HDAC4: variants seen among roughly 807,000 people sequenced by gnomAD.
HDAC4 encodes the protein histone deacetylase A.
Under a neutral mutation model 135.1 loss-of-function variants are expected in HDAC4, and 16 were observed. That is an observed-to-expected ratio of 0.12 (90% CI 0.08 to 0.18). HDAC4 has a LOEUF of 0.18. HDAC4 is among the 10% of genes least tolerant of loss of function. The pLI is 1.00. For missense variants in HDAC4, 1,143 were observed against 1,511.8 expected (o/e 0.76, Z 4.05); for synonymous variants, 685 against 653.4 (o/e 1.05, Z -0.74).
chr2:239,301,794 A>G (rs1038287954), intron 2 of HDAC4, among the ~76,000 whole-genome samples: 8 of 152,098 alleles, frequency 5.3e-5, no homozygotes, highest in Admixed American at 5.2e-4. Context: ...TTCTTTCTTT[A>G]TGAAAAAAAG....
intron 2 of HDAC4, among the ~76,000 whole-genome samples, chr2:239,248,045 C>T (rs148785584): frequency 2.8e-4 from 43 of 152,312 alleles, no homozygotes; most frequent in Admixed American, 2.0e-3. Flanking sequence ...CCATAACACT[C>T]GGTGATGTTC....
intron 11 of HDAC4, 33 bp from the exon 12 acceptor site, chr2:239,126,727 G>C (rs374345446): frequency 6.2e-7 from 1 of 1,606,004 alleles, no homozygotes; most frequent in African/African-American, 1.3e-5. Context: ...ACAGCAGAGG[G>C]GAAGAGGAAG....
chr2:239,111,834 G>C, intron 13 of HDAC4, 122 bp from the exon 14 acceptor site: 1 of 922,862 alleles, frequency 1.1e-6, no homozygotes, highest in South Asian at 1.5e-5. Context: ...TGGGCCACAA[G>C]GATGCCGGGA....
intron 15 of HDAC4, among the ~76,000 whole-genome samples, chr2:239,107,342 C>T (rs952622762): frequency 6.6e-6 from 1 of 152,262 alleles, no homozygotes; most frequent in Non-Finnish European, 1.5e-5. Context: ...GGGCCGGGCC[C>T]TCCTTGTATG....
At chr2:239,188,426 C>T (rs1037570084) in intron 4 of HDAC4, among the ~76,000 whole-genome samples, 3 of 152,240 alleles carry the variant, frequency 2.0e-5, no homozygotes, top group African/African-American at 7.2e-5. Flanking sequence ...GGATGCACCC[C>T]TAAGCTACTC....
At chr2:239,225,324 A>G (rs1311894278) in intron 3 of HDAC4, among the ~76,000 whole-genome samples, 3 of 152,262 alleles carry the variant, frequency 2.0e-5, no homozygotes, top group Admixed American at 2.0e-4. Flanking sequence ...AGGGCTAAAA[A>G]TTAACAAGTG....
chr2:239,080,409 G>A (rs2035196039), intron 22 of HDAC4, among the ~76,000 whole-genome samples: 1 of 152,240 alleles, frequency 6.6e-6, no homozygotes, highest in Non-Finnish European at 1.5e-5. Flanking sequence ...GATGTGGGCT[G>A]TGGGCTGCTG....
chr2:239,368,834 G>C (rs1042267600), intron 1 of HDAC4, among the ~76,000 whole-genome samples: 1 of 152,202 alleles, frequency 6.6e-6, no homozygotes, highest in African/African-American at 2.4e-5. Context: ...GATTCCAGGT[G>C]ATAGCCCAAG....
chr2:239,130,413 C>A (rs1378424683), intron 11 of HDAC4, among the ~76,000 whole-genome samples: 1 of 152,182 alleles, frequency 6.6e-6, no homozygotes, highest in Non-Finnish European at 1.5e-5. Context: ...CATGTGACAG[C>A]GGGACAGTGG....
intron 16 of HDAC4, 63 bp from the exon 17 acceptor site, chr2:239,095,119 C>T: frequency 1.3e-6 from 2 of 1,580,478 alleles, no homozygotes. Context: ...CTCGACAGGC[C>T]CTGGGCGCAC....
At chr2:239,290,184 A>G (rs1325343548) in intron 2 of HDAC4, among the ~76,000 whole-genome samples, 1 of 152,238 alleles carries the variant, frequency 6.6e-6, no homozygotes, top group Non-Finnish European at 1.5e-5. Flanking sequence ...CATTTTTACT[A>G]AATTTATTTT....
chr2:239,065,144 C>A (rs2033307206), intron 24 of HDAC4, among the ~76,000 whole-genome samples: 1 of 152,214 alleles, frequency 6.6e-6, no homozygotes, highest in Admixed American at 6.5e-5. Context: ...ACAGAGTGTC[C>A]TGGGATGGCT....
At chr2:239,071,439 G>C (rs550069211) in intron 22 of HDAC4, among the ~76,000 whole-genome samples, 1 of 152,108 alleles carries the variant, frequency 6.6e-6, no homozygotes, top group Non-Finnish European at 1.5e-5. Context: ...AGACTCTCGG[G>C]GGAAACTCTC....
intron 2 of HDAC4, among the ~76,000 whole-genome samples, chr2:239,301,802 A>C (rs1230134043): frequency 2.6e-5 from 4 of 152,192 alleles, no homozygotes; most frequent in Non-Finnish European, 5.9e-5. Context: ...TTATGAAAAA[A>C]AGTAAGAGTA....
intron 12 of HDAC4, among the ~76,000 whole-genome samples, chr2:239,120,436 TAGAC>T (rs57495787): frequency 0.45 from 68,409 of 150,626 alleles, 16,492 homozygotes; most frequent in South Asian, 0.65. Context: ...GATGCACAAA[TAGAC>T]AGACATGCAG....
rs1009729035 is a variant in HDAC4, at chr2:239,139,372, G to A, written c.978+312C>T. Among the ~76,000 whole-genome samples the A allele has an allele frequency of 1.3e-5, 2 of 152,176 alleles. No individual in the cohort carries two copies. Among genetic ancestry groups the A allele is most frequent in the East Asian group, 1.9e-4 (1 of 5,190 alleles). ...TGTCCACCTAGAGCACCTGCCATGC[G>A]TGGGCTTGTGCTGGGACACCATCTA... On this transcript the variant is annotated intron_variant, in intron 9 of 26. Coordinates refer to ENST00000543185, the MANE Select transcript of HDAC4 (RefSeq NM_001378414.1). This position sits in a 1 kb window ranked among gnomAD's most constrained non-coding sequence, Gnocchi z 5.3.
At chr2:239,364,123 C>T (rs950804780) in intron 1 of HDAC4, among the ~76,000 whole-genome samples, 4 of 152,178 alleles carry the variant, frequency 2.6e-5, no homozygotes, top group African/African-American at 7.2e-5. Flanking sequence ...AAACAGTCAA[C>T]GGCACACACC....
intron 1 of HDAC4, among the ~76,000 whole-genome samples, chr2:239,378,492 A>C (rs1695183516): frequency 6.6e-6 from 1 of 152,056 alleles, no homozygotes. Flanking sequence ...GCAGCATCAC[A>C]AGGACCATCG....
intron 1 of HDAC4, among the ~76,000 whole-genome samples, chr2:239,364,462 ATG>A (rs1411316687): frequency 6.6e-6 from 1 of 152,172 alleles, no homozygotes; most frequent in Non-Finnish European, 1.5e-5. Context: ...TGTGCATAAA[ATG>A]TGAAAACAGG....
Sources: allele counts gnomAD v4.1 joint callset (sites outside exome capture counted in the v4.1 genomes callset), GRCh38; gene constraint gnomAD v4.1.1; non-coding constraint Gnocchi (gnomAD v3.1); transcripts MANE v1.5; gene names NCBI Gene and HGNC (gene_info 2026-07-23, HGNC 2026-07-21).